The following ZNF385D variants were observed in gnomAD, a reference collection of about 807,000 sequenced individuals.
The protein encoded by ZNF385D is zinc finger protein 659.
ZNF385D carries 15 observed loss-of-function variants against 35.8 expected under a neutral mutation model. The ratio of observed to expected loss-of-function variants is 0.42; its 90% CI spans 0.28 to 0.64. ZNF385D has a LOEUF of 0.64. Among genes scored for constraint, ZNF385D ranks in the 30% least tolerant of loss-of-function variants. ZNF385D has a pLI of 0.23. For synonymous variants in ZNF385D, 212 were observed against 186.8 expected, an observed-to-expected ratio of 1.13 and a Z score of -1.10; for missense variants, 474 against 494.6, an observed-to-expected ratio of 0.96 and a Z score of 0.39.
intron 3 of ZNF385D, among the ~76,000 whole-genome samples, chr3:21,995,601 C>T (rs536532619): frequency 1.3e-5 from 2 of 151,976 alleles, no homozygotes; most frequent in East Asian, 2.0e-4. Flanking sequence ...TCTTCAGGTC[C>T]TCTAATGGTA....
chr3:22,242,201 T>G (rs1455076135), intron 2 of ZNF385D, among the ~76,000 whole-genome samples: 1 of 150,806 alleles, frequency 6.6e-6, no homozygotes, highest in Non-Finnish European at 1.5e-5. Flanking sequence ...AATGTGCACA[T>G]GTACCCTAAA....
chr3:21,761,427 G>C (rs1263367898), intron 3 of ZNF385D, among the ~76,000 whole-genome samples: 1 of 152,198 alleles, frequency 6.6e-6, no homozygotes, highest in Non-Finnish European at 1.5e-5. Context: ...TTTCTGAAGA[G>C]TATTACTTAA....
intron 2 of ZNF385D, among the ~76,000 whole-genome samples, chr3:22,335,756 T>C (rs538097357): frequency 6.6e-6 from 1 of 152,242 alleles, no homozygotes; most frequent in East Asian, 1.9e-4. Flanking sequence ...TTCTTCTATC[T>C]TTATTTTCCA....
intron 2 of ZNF385D, among the ~76,000 whole-genome samples, chr3:22,281,255 A>G (rs1701722020): frequency 6.6e-6 from 1 of 152,036 alleles, no homozygotes; most frequent in Admixed American, 6.6e-5. Context: ...TGCTCTGGCT[A>G]GGATTTCCAG....
At chr3:22,177,369 T>A (rs1193992033) in intron 2 of ZNF385D, among the ~76,000 whole-genome samples, 4 of 152,194 alleles carry the variant, frequency 2.6e-5, no homozygotes, top group African/African-American at 9.6e-5. Flanking sequence ...AGAGAATGAT[T>A]GTTCTTATGT....
At chr3:22,290,164 G>A (rs1227384513) in intron 2 of ZNF385D, among the ~76,000 whole-genome samples, 26 of 152,128 alleles carry the variant, frequency 1.7e-4, no homozygotes, top group Admixed American at 1.7e-3. Flanking sequence ...AACTTAGAGT[G>A]CTACATGTGT....
chr3:22,156,581 T>A (rs569303311), intron 3 of ZNF385D, among the ~76,000 whole-genome samples: 1 of 152,260 alleles, frequency 6.6e-6, no homozygotes, highest in African/African-American at 2.4e-5. Context: ...TCTCTTGGGC[T>A]GGCAATTAGT....
intron 2 of ZNF385D, among the ~76,000 whole-genome samples, chr3:22,365,102 T>C (rs1156972250): frequency 6.6e-6 from 1 of 151,884 alleles, no homozygotes; most frequent in Non-Finnish European, 1.5e-5. Flanking sequence ...CAGGGAAGAA[T>C]GGGGAACAAC....
At chr3:21,779,305 A>G (rs2071405425) in intron 3 of ZNF385D, among the ~76,000 whole-genome samples, 1 of 151,986 alleles carries the variant, frequency 6.6e-6, no homozygotes, top group Non-Finnish European at 1.5e-5. Context: ...AGTGATCATA[A>G]GCCCCAAATA....
At chr3:21,608,642 C>CA (rs1159020322) in intron 2 of ZNF385D, among the ~76,000 whole-genome samples, 1 of 152,096 alleles carries the variant, frequency 6.6e-6, no homozygotes, top group Non-Finnish European at 1.5e-5. Flanking sequence ...ACAAAGAGTT[C>CA]AAAAAATGTC....
chr3:21,619,719 A>AG (rs1342555382), intron 2 of ZNF385D, among the ~76,000 whole-genome samples: 1 of 152,128 alleles, frequency 6.6e-6, no homozygotes, highest in Non-Finnish European at 1.5e-5. Flanking sequence ...TGGCCTGCTG[A>AG]GGGACTAATG....
intron 3 of ZNF385D, among the ~76,000 whole-genome samples, chr3:22,070,153 CA>C (rs1185730275): frequency 6.6e-6 from 1 of 152,040 alleles, no homozygotes; most frequent in Non-Finnish European, 1.5e-5. Flanking sequence ...TAAAGATAAG[CA>C]TCTTATTTTC....
chr3:22,069,085 A>G (rs1700108967), intron 3 of ZNF385D, among the ~76,000 whole-genome samples: 1 of 152,214 alleles, frequency 6.6e-6, no homozygotes, highest in South Asian at 2.1e-4. Flanking sequence ...AAAAGGATAT[A>G]AAGATCTGGG....
At chr3:21,828,322 G>C (rs1694785126) in intron 3 of ZNF385D, among the ~76,000 whole-genome samples, 1 of 152,126 alleles carries the variant, frequency 6.6e-6, no homozygotes, top group Non-Finnish European at 1.5e-5. Flanking sequence ...GGTGTTCATA[G>C]CTTTCAGTAA....
intron 2 of ZNF385D, among the ~76,000 whole-genome samples, chr3:21,640,256 C>A (rs946542705): frequency 1.1e-4 from 16 of 151,956 alleles, no homozygotes; most frequent in African/African-American, 3.4e-4. Flanking sequence ...TCTTTGGTTC[C>A]CTGGCTTTTT....
chr3:22,239,681 T>A (rs2125311689), intron 2 of ZNF385D, among the ~76,000 whole-genome samples: 1 of 151,238 alleles, frequency 6.6e-6, no homozygotes, highest in Non-Finnish European at 1.5e-5. Context: ...AAAAATATCC[T>A]CCAATAAACA....
At chr3:21,968,406 A>C (rs113265279) in intron 3 of ZNF385D, among the ~76,000 whole-genome samples, 3 of 152,088 alleles carry the variant, frequency 2.0e-5, no homozygotes, top group Non-Finnish European at 4.4e-5. Context: ...CTTGAGGTAC[A>C]CATGACCTAG....
At chr3:21,779,490 T>C (rs28546711) in intron 3 of ZNF385D, among the ~76,000 whole-genome samples, 2,910 of 152,080 alleles carry the variant, frequency 0.019, 108 homozygotes, top group African/African-American at 0.066. Flanking sequence ...TTACTATATT[T>C]TGGATGTAAT....
At chr3:22,285,538 AT>A (rs1453443325) in intron 2 of ZNF385D, among the ~76,000 whole-genome samples, 1 of 149,534 alleles carries the variant, frequency 6.7e-6, no homozygotes, top group African/African-American at 2.5e-5. Context: ...AACTTTATTT[AT>A]TTTTTATTAT....
Sources: gnomAD v4.1 joint callset for allele counts (sites outside exome capture counted in the v4.1 genomes callset) on GRCh38, gnomAD v4.1.1 for gene constraint, MANE v1.5 for transcripts, NCBI Gene and HGNC (gene_info 2026-07-23, HGNC 2026-07-21) for gene names.